ZNF761: variants seen among roughly 807,000 people sequenced by gnomAD.
The protein encoded by ZNF761 is zinc finger protein 761.
ZNF761 carries 43 observed loss-of-function variants against 59.9 expected under a neutral mutation model. The observed-to-expected ratio is 0.72, with a 90% CI of 0.56 to 0.92. ZNF761 has a LOEUF of 0.92. Among genes scored for constraint, ZNF761 ranks in the 40% least tolerant of loss-of-function variants. ZNF761 has a pLI of 0.00. For missense variants in ZNF761, 850 were observed against 906.1 expected (o/e 0.94, Z 0.79); for synonymous variants, 294 against 304.8 (o/e 0.96, Z 0.37).
chr19:53,433,975 C>A (rs79164592), intron 1 of ZNF761, among the ~76,000 whole-genome samples: 20,952 of 152,186 alleles, frequency 0.14, 1,493 homozygotes, highest in East Asian at 0.23. Flanking sequence ...AGTTAGATTA[C>A]ACTTTCTACA....
intron 2 of ZNF761, among the ~76,000 whole-genome samples, chr19:53,446,844 A>G (rs1050984124): frequency 6.6e-6 from 1 of 151,344 alleles, no homozygotes; most frequent in Non-Finnish European, 1.5e-5. Context: ...GTTTCACCAA[A>G]CTCCTGAGCT....
At chr19:53,436,509 A>G (rs1396227825) in intron 1 of ZNF761, among the ~76,000 whole-genome samples, 1 of 152,198 alleles carries the variant, frequency 6.6e-6, no homozygotes, top group African/African-American at 2.4e-5. Flanking sequence ...CCTGACTTGG[A>G]GGAGGACCAT....
intron 1 of ZNF761, chr19:53,442,315 C>G (rs2086109345): frequency 8.2e-7 from 1 of 1,226,864 alleles, no homozygotes; most frequent in Non-Finnish European, 1.2e-6. Flanking sequence ...CTGGCAGAGT[C>G]CCGTTGCTGA....
chr19:53,441,454 T>G (rs112338332), intron 1 of ZNF761, among the ~76,000 whole-genome samples: 4 of 15,200 alleles, frequency 2.6e-4, no homozygotes, highest in African/African-American at 7.9e-4. Flanking sequence ...TTGTTTTTTG[T>G]TTTTTTTTTT....
At position 53,456,569 on chromosome 19, in the gene ZNF761, A is replaced by T. The variant is rs2086274325; in HGVS notation, c.2062A>T (p.Lys688Ter). Residue 688 changes from lysine to a stop codon, truncating the protein, a stop_gained, in exon 5 of 5, where the codon AAA becomes TAA. Coordinates refer to ENST00000684525, the MANE Select transcript of ZNF761 (RefSeq NM_001289951.2). LOFTEE classifies it high-confidence loss of function. ...ICHHRLHTGE[K>*]PYKCNECGKN... The stretch of plus-strand genomic sequence containing the variant: ...CCATCATAGACTTCATACTGGAGAG[A>T]AACCTTATAAGTGTAATGAGTGTGG... 1 of 1,612,208 alleles carries T rather than the reference A, an allele frequency of 6.2e-7. No homozygotes were observed. The highest frequency in any genetic ancestry group is 8.5e-7 in the Non-Finnish European group (1 of 1,178,758).
intron 1 of ZNF761, among the ~76,000 whole-genome samples, chr19:53,440,481 C>T (rs1399472802): frequency 6.6e-6 from 1 of 152,072 alleles, no homozygotes; most frequent in African/African-American, 2.4e-5. Context: ...TTAAAAATTC[C>T]TATCTATAAG....
At chr19:53,453,761 A>G (rs2086240865) in intron 4 of ZNF761, among the ~76,000 whole-genome samples, 1 of 152,152 alleles carries the variant, frequency 6.6e-6, no homozygotes, top group Admixed American at 6.6e-5. Context: ...CTGTAATCCC[A>G]GGTACTCAGG....
At chr19:53,440,865 C>T (rs1008270280) in intron 1 of ZNF761, among the ~76,000 whole-genome samples, 2 of 152,072 alleles carry the variant, frequency 1.3e-5, no homozygotes, top group African/African-American at 4.8e-5. Flanking sequence ...TTGGTAGAAA[C>T]GCGTTTCACT....
At chr19:53,442,869 A>G in intron 1 of ZNF761, 1 of 392,442 alleles carries the variant, frequency 2.5e-6, no homozygotes. Context: ...GTCTTTAAAA[A>G]TCATGTTGTG....
In ZNF761 at chr19:53,456,925, A is replaced by G. The variant is rs546461067; in HGVS notation, c.*177A>G. 502 of 813,382 alleles carry G rather than the reference A, an allele frequency of 6.2e-4. No individual in the cohort carries two copies. Among genetic ancestry groups the G allele is most frequent in the Non-Finnish European group, 9.2e-4 (460 of 501,126 alleles). The allele number at this position is 813,382 out of a possible 1,614,324, so 50.4% of individuals were successfully genotyped here. A position where few individuals can be genotyped will look rare whatever the true frequency, so the allele number is the denominator to read the frequency against. On this transcript the variant is annotated 3_prime_UTR_variant, in exon 5 of 5. Transcript: ENST00000684525. ...AGCTTATAAATGTGAAGAATGTCACAAAGTTTACAGTCGCACATCAAACCG... is the reference window on the plus strand; with the variant it reads ...AGCTTATAAATGTGAAGAATGTCACGAAGTTTACAGTCGCACATCAAACCG...
chr19:53,450,116 A>G (rs976439498), intron 4 of ZNF761: 18 of 269,354 alleles, frequency 6.7e-5, no homozygotes, highest in Middle Eastern at 1.2e-3. Flanking sequence ...CAGCCCGGCC[A>G]ACATGGTGAA....
At chr19:53,445,472 G>A (rs2086146901) in intron 1 of ZNF761, among the ~76,000 whole-genome samples, 1 of 134,934 alleles carries the variant, frequency 7.4e-6, no homozygotes, top group Non-Finnish European at 1.6e-5. Flanking sequence ...CCTTCTCAGG[G>A]TAACTTGGTG....
Position 53,457,236 on chromosome 19 carries a change from T to G in ZNF761, c.*488T>G. On this transcript the variant is annotated 3_prime_UTR_variant, in exon 5 of 5. Coordinates refer to ENST00000684525, the MANE Select transcript of ZNF761 (RefSeq NM_001289951.2). Reference sequence around the variant, plus strand: ...CTGGAGAATCCATAAGGAAGAGAGATCATACTAGGGTAATAAATGTGGCAG... The same window carrying G: ...CTGGAGAATCCATAAGGAAGAGAGAGCATACTAGGGTAATAAATGTGGCAG... 1 of 469,564 alleles carries G rather than the reference T, an allele frequency of 2.1e-6. No individual in the cohort carries two copies. The highest frequency in any genetic ancestry group is 1.7e-5 in the South Asian group (1 of 59,072). 29.1% of individuals were successfully genotyped at this position (469,564 alleles called of 1,614,324 possible).
At position 53,456,626 on chromosome 19, in the gene ZNF761, T is replaced by C. The variant is rs756297885; in HGVS notation, c.2119T>C (p.Cys707Arg). 1.3e-5 allele frequency: 21 copies of C among 1,610,142 alleles called. No individual in the cohort carries two copies. Among genetic ancestry groups the C allele is most frequent in the Non-Finnish European group, 1.5e-5 (18 of 1,178,860 alleles). The part of the protein sequence containing the change: ...KNFSQKSSLI[C>R]HHRLHTGEKP... ...CTTTAGTCAGAAGTCATCCCTTATATGCCACCATAGACTTCATACTGGAGA... is the reference window on the plus strand; with the variant it reads ...CTTTAGTCAGAAGTCATCCCTTATACGCCACCATAGACTTCATACTGGAGA... The change falls in exon 5 of 5, where the codon TGC becomes CGC. Residue 707 changes from cysteine to arginine, a missense_variant. Transcript: ENST00000684525.
intron 1 of ZNF761, chr19:53,444,236 T>A (rs774309581): frequency 6.6e-6 from 1 of 152,186 alleles, no homozygotes; most frequent in Admixed American, 6.5e-5. Flanking sequence ...GAGGAAGACC[T>A]CTTTGCAGTT....
intron 4 of ZNF761, 87 bp from the exon 5 acceptor site, chr19:53,454,563 T>G: frequency 2.2e-6 from 3 of 1,364,592 alleles, no homozygotes; most frequent in Non-Finnish European, 2.9e-6. Context: ...TTAAAATAAC[T>G]ATTGTTTTTT....
chr19:53,444,017 A>T (rs1232119938), intron 1 of ZNF761: 3 of 152,680 alleles, frequency 2.0e-5, no homozygotes, highest in African/African-American at 4.8e-5. Flanking sequence ...ATGCTTGGTA[A>T]AAGTCATCAC....
chr19:53,433,104 T>A (rs1363179987), intron 1 of ZNF761, among the ~76,000 whole-genome samples: 1 of 150,678 alleles, frequency 6.6e-6, no homozygotes, highest in Admixed American at 6.6e-5. Context: ...GCAGAGATGG[T>A]GTTGCGGGAA....
rs1301848262 is a variant in ZNF761 at position 53,455,356 on chromosome 19, A to C, written c.849A>C (p.Ser283=). The C allele has an allele frequency of 6.2e-7, 1 of 1,614,214 alleles. No homozygotes were observed. Among genetic ancestry groups the C allele is most frequent in the Non-Finnish European group, 8.5e-7 (1 of 1,180,040 alleles). Residue 283 remains serine (S), a synonymous_variant, in exon 5 of 5, where the codon TCA becomes TCC. Coordinates refer to ENST00000684525, the MANE Select transcript of ZNF761 (RefSeq NM_001289951.2). The stretch of plus-strand genomic sequence containing the variant: ...GTGGCAAGACCTTCAGTCAGACGTC[A>C]TCCCTTACATGCCATCGTAGACTTC... ...NECGKTFSQT[S]SLTCHRRLHT...
Sources: gnomAD v4.1 joint callset for allele counts (sites outside exome capture counted in the v4.1 genomes callset) on GRCh38, gnomAD v4.1.1 for gene constraint, MANE v1.5 for transcripts, NCBI Gene and HGNC (gene_info 2026-07-23, HGNC 2026-07-21) for gene names.